MMP26: variants seen among roughly 807,000 people sequenced by gnomAD.
The protein encoded by MMP26 is matrix metallopeptidase 26.
Under a neutral mutation model 31.0 loss-of-function variants are expected in MMP26, and 33 were observed. The ratio of observed to expected loss-of-function variants is 1.06; its 90% CI spans 0.81 to 1.42. The LOEUF (loss-of-function observed/expected upper bound fraction) is 1.42. Among genes scored for constraint, MMP26 ranks in the 40% most tolerant of loss-of-function variants. The pLI, the probability that MMP26 is intolerant of heterozygous loss-of-function variation, is 0.00. For synonymous variants in MMP26, 122 were observed against 114.9 expected, an observed-to-expected ratio of 1.06 and a Z score of -0.40; for missense variants, 347 against 316.1, an observed-to-expected ratio of 1.10 and a Z score of -0.74.
intron 2 of MMP26, among the ~76,000 whole-genome samples, chr11:4,785,444 G>A (rs78092605): frequency 0.02 from 2,986 of 151,680 alleles, 54 homozygotes; most frequent in South Asian, 0.072. Context: ...CTTATTGTCC[G>A]AGACTCATTA....
intron 2 of MMP26, among the ~76,000 whole-genome samples, chr11:4,799,180 A>G (rs5005348): frequency 0.37 from 56,081 of 151,984 alleles, 11,431 homozygotes; most frequent in African/African-American, 0.52. Flanking sequence ...AATACCTGAG[A>G]CTTTAAGAAA....
chr11:4,825,374 C>T (rs1564789151), intron 2 of MMP26, among the ~76,000 whole-genome samples: 1 of 152,110 alleles, frequency 6.6e-6, no homozygotes, highest in African/African-American at 2.4e-5. Flanking sequence ...CCTTGTAGCT[C>T]TGCCACCTTT....
At chr11:4,857,540 C>T (rs993972529) in intron 2 of MMP26, among the ~76,000 whole-genome samples, 1 of 152,248 alleles carries the variant, frequency 6.6e-6, no homozygotes, top group South Asian at 2.1e-4. Context: ...AGTTGAATCC[C>T]TGAATAGACC....
chr11:4,772,912 T>C (rs1272078413), intron 2 of MMP26, among the ~76,000 whole-genome samples: 1 of 152,224 alleles, frequency 6.6e-6, no homozygotes, highest in African/African-American at 2.4e-5. Flanking sequence ...TGTGCATTCC[T>C]GTTCAAGTAA....
intron 2 of MMP26, among the ~76,000 whole-genome samples, chr11:4,805,338 T>G (rs1849252627): frequency 6.6e-6 from 1 of 152,034 alleles, no homozygotes; most frequent in East Asian, 1.9e-4. Flanking sequence ...GTTAGCAAAC[T>G]TTTTTTCTTT....
At chr11:4,716,312 C>G (rs1420702703) in intron 1 of MMP26, among the ~76,000 whole-genome samples, 1 of 152,156 alleles carries the variant, frequency 6.6e-6, no homozygotes, top group African/African-American at 2.4e-5. Context: ...ATATATGTGT[C>G]TTGTTTAAAG....
intron 1 of MMP26, among the ~76,000 whole-genome samples, chr11:4,716,662 T>C (rs868514788): frequency 8.3e-5 from 10 of 119,772 alleles, no homozygotes; most frequent in South Asian, 3.1e-4. Flanking sequence ...TTTTTTTTTT[T>C]TTTTTTTTTT....
At chr11:4,944,051 A>T in intron 2 of MMP26, 1 of 435,592 alleles carries the variant, frequency 2.3e-6, no homozygotes, top group Non-Finnish European at 4.5e-6. Flanking sequence ...TCAATTAATA[A>T]AATATGTCAA....
At chr11:4,861,094 A>G (rs1348622491) in intron 2 of MMP26, among the ~76,000 whole-genome samples, 4 of 149,524 alleles carry the variant, frequency 2.7e-5, no homozygotes, top group Non-Finnish European at 1.5e-5. Context: ...ACTTCCATAT[A>G]TATCATATAT....
At chr11:4,739,707 C>CT (rs376548254) in intron 1 of MMP26, among the ~76,000 whole-genome samples, 17,584 of 149,676 alleles carry the variant, frequency 0.12, 1,072 homozygotes, top group Non-Finnish European at 0.13. Flanking sequence ...TTGTTGACTA[C>CT]TTTTTTTTTT....
intron 1 of MMP26, among the ~76,000 whole-genome samples, chr11:4,758,621 A>C (rs1274478218): frequency 6.6e-6 from 1 of 152,134 alleles, no homozygotes; most frequent in African/African-American, 2.4e-5. Flanking sequence ...GTAGAAGAAA[A>C]ATTTCTAAAT....
chr11:4,890,817 C>T (rs1415738398), intron 2 of MMP26, among the ~76,000 whole-genome samples: 1 of 151,926 alleles, frequency 6.6e-6, no homozygotes, highest in Non-Finnish European at 1.5e-5. Flanking sequence ...TACTTGCATA[C>T]ATCCCTGTTA....
chr11:4,907,835 G>A, intron 2 of MMP26: 1 of 1,613,712 alleles, frequency 6.2e-7, no homozygotes. Context: ...CATTCTCTTA[G>A]TGATTCCATT....
chr11:4,711,533 T>C (rs553278511), intron 1 of MMP26: 1 of 152,324 alleles, frequency 6.6e-6, no homozygotes, highest in South Asian at 2.1e-4. Flanking sequence ...ACTTTTTTAG[T>C]TCTTCATCTT....
intron 3 of MMP26, 112 bp from the exon 4 acceptor site, chr11:4,989,536 C>T: frequency 1.3e-6 from 1 of 773,250 alleles, no homozygotes; most frequent in Non-Finnish European, 2.1e-6. Context: ...CTTAGGAAGG[C>T]CAGACTAAGT....
At chr11:4,764,656 G>A (rs1041625125) in intron 1 of MMP26, among the ~76,000 whole-genome samples, 1 of 152,182 alleles carries the variant, frequency 6.6e-6, no homozygotes, top group Non-Finnish European at 1.5e-5. Context: ...GGATCACGAG[G>A]TCAGGAGATC....
chr11:4,955,641 C>A, intron 2 of MMP26: 1 of 1,517,876 alleles, frequency 6.6e-7, no homozygotes, highest in Admixed American at 1.8e-5. Flanking sequence ...CAGATGTGTG[C>A]ATATTCTAGC....
intron 1 of MMP26, among the ~76,000 whole-genome samples, chr11:4,716,517 C>T (rs536887913): frequency 1.3e-5 from 2 of 152,020 alleles, no homozygotes; most frequent in South Asian, 2.1e-4. Flanking sequence ...CTAAGAAGAA[C>T]GTTGTTCTTG....
chr11:4,795,395 G>A (rs143509659), intron 2 of MMP26: 2 of 152,284 alleles, frequency 1.3e-5, no homozygotes, highest in East Asian at 1.9e-4. Context: ...GACCAACCAA[G>A]TAATAAACAC....
Sources: gnomAD v4.1 joint callset for allele counts (sites outside exome capture counted in the v4.1 genomes callset) on GRCh38, gnomAD v4.1.1 for gene constraint, MANE v1.5 for transcripts, NCBI Gene and HGNC (gene_info 2026-07-23, HGNC 2026-07-21) for gene names.